Variants in NMU observed in about 807,000 individuals in gnomAD.
The protein encoded by NMU is neuromedin-U.
NMU carries 29 observed loss-of-function variants against 35.4 expected under a neutral mutation model. That is an observed-to-expected ratio of 0.82 (90% CI 0.61 to 1.12). The LOEUF (loss-of-function observed/expected upper bound fraction) is 1.12. Among genes scored for constraint, NMU ranks in the 50% most tolerant of loss-of-function variants. The pLI is 0.00. For synonymous variants in NMU, 78 were observed against 81.3 expected, an observed-to-expected ratio of 0.96 and a Z score of 0.22; for missense variants, 199 against 206.2, an observed-to-expected ratio of 0.97 and a Z score of 0.21.
intron 6 of NMU, 90 bp downstream of exon 6, chr4:55,607,208 A>C: frequency 1.1e-6 from 1 of 876,630 alleles, no homozygotes. Flanking sequence ...AAAAAATTTG[A>C]ATTCTGATCT....
intron 1 of NMU, among the ~76,000 whole-genome samples, chr4:55,631,996 C>A (rs1486217928): frequency 6.6e-6 from 1 of 152,152 alleles, no homozygotes; most frequent in Non-Finnish European, 1.5e-5. Context: ...TAAAAAGAAA[C>A]AAAGTAATGT....
intron 1 of NMU, among the ~76,000 whole-genome samples, chr4:55,634,237 G>C (rs1715778279): frequency 6.6e-6 from 1 of 152,136 alleles, no homozygotes; most frequent in African/African-American, 2.4e-5. Context: ...GACTGGGGCA[G>C]ATCACATGGC....
At chr4:55,599,037 GTTTAA>G (rs1479259443) in intron 9 of NMU, 100 bp downstream of exon 9, 1 of 743,470 alleles carries the variant, frequency 1.3e-6, no homozygotes, top group Non-Finnish European at 2.3e-6. Flanking sequence ...ATTTAACATA[GTTTAA>G]TTTGTGACTA....
intron 2 of NMU, among the ~76,000 whole-genome samples, chr4:55,628,306 CTTT>C: frequency 6.6e-6 from 1 of 152,144 alleles, no homozygotes; most frequent in South Asian, 2.1e-4. Context: ...TATTTTAAAA[CTTT>C]TTTTATATCT....
chr4:55,603,361 A>C (rs558145457), intron 7 of NMU, among the ~76,000 whole-genome samples: 1 of 152,124 alleles, frequency 6.6e-6, no homozygotes, highest in Non-Finnish European at 1.5e-5. Flanking sequence ...TAACATAATA[A>C]AAGTATCCAA....
intron 8 of NMU, among the ~76,000 whole-genome samples, chr4:55,599,500 A>G (rs1043817531): frequency 2.6e-5 from 4 of 152,132 alleles, no homozygotes. Flanking sequence ...TTTTAATTTG[A>G]TATGAACCAA....
intron 3 of NMU, among the ~76,000 whole-genome samples, chr4:55,610,335 C>T (rs1328599294): frequency 3.3e-5 from 5 of 151,904 alleles, no homozygotes; most frequent in Non-Finnish European, 7.4e-5. Flanking sequence ...TGTTAGCACA[C>T]GCCTGTAATT....
At chr4:55,607,097 G>A (rs950369883) in intron 6 of NMU, among the ~76,000 whole-genome samples, 11 of 152,104 alleles carry the variant, frequency 7.2e-5, no homozygotes, top group South Asian at 6.2e-4. Flanking sequence ...ATGAATGAAC[G>A]AATCAATTTA....
intron 8 of NMU, among the ~76,000 whole-genome samples, chr4:55,599,703 C>T (rs546432729): frequency 2.0e-5 from 3 of 152,264 alleles, no homozygotes; most frequent in Admixed American, 1.3e-4. Context: ...TCAACCGATT[C>T]CCATTGATGC....
At chr4:55,624,708 C>T (rs1303418526) in intron 2 of NMU, among the ~76,000 whole-genome samples, 1 of 650 alleles carries the variant, frequency 1.5e-3, no homozygotes, top group African/African-American at 3.7e-3. Context: ...GCTATAAAGA[C>T]ACATGCACAC....
chr4:55,600,158 C>A (rs974461766), intron 8 of NMU, among the ~76,000 whole-genome samples: 1 of 152,070 alleles, frequency 6.6e-6, no homozygotes, highest in African/African-American at 2.4e-5. Context: ...TGAAAGTATT[C>A]GTAACTCTTC....
intron 8 of NMU, among the ~76,000 whole-genome samples, chr4:55,599,615 C>G (rs1733345067): frequency 6.6e-6 from 1 of 152,110 alleles, no homozygotes. Context: ...GAATTATTTT[C>G]CAAAAGGCAA....
intron 3 of NMU, among the ~76,000 whole-genome samples, chr4:55,614,711 T>C (rs1243842148): frequency 8.5e-5 from 13 of 152,254 alleles, no homozygotes; most frequent in African/African-American, 2.9e-4. Flanking sequence ...CATTAGTTTA[T>C]CTTGATGAAG....
rs983659961 is a variant in NMU at position 55,616,048 on chromosome 4, C to A, written c.219+290G>T. Among the ~76,000 whole-genome samples, 15 of 152,298 alleles carry A rather than the reference C, an allele frequency of 9.8e-5. No individual in the cohort carries two copies. In the South Asian group the frequency reaches 2.3e-3, roughly 23 times the overall value. On this transcript the variant is annotated intron_variant, in intron 3 of 9. Transcript: ENST00000264218. ...ACAGGCATGAGCCACTGCACCCTGA[C>A]AGATACAGTATTTCTAACTTAACAC...
chr4:55,627,863 A>G (rs1304561082), intron 2 of NMU, among the ~76,000 whole-genome samples: 1 of 152,240 alleles, frequency 6.6e-6, no homozygotes, highest in African/African-American at 2.4e-5. Context: ...ATTTAAGTTC[A>G]CATTTTATTT....
chr4:55,609,127 T>C lies in NMU; in HGVS notation c.272A>G (p.Lys91Arg), dbSNP rs751940024. 6.2e-7 allele frequency: 1 copy of C among 1,613,212 alleles called. No individual in the cohort carries two copies. Among genetic ancestry groups the C allele is most frequent in the Non-Finnish European group, 8.5e-7 (1 of 1,179,198 alleles). ...LCFMIMGMLP[K>R]PQEQDEKDNT... Reference sequence around the variant, plus strand: ...ACACTATTTCAAGCTTACCTGAGGCTTTGGTAGCATTCCCATAATCATAAA... The same window carrying C: ...ACACTATTTCAAGCTTACCTGAGGCCTTGGTAGCATTCCCATAATCATAAA... Residue 91 changes from lysine (K) to arginine (R), a missense_variant, in exon 4 of 10, where the codon AAG (lysine) becomes AGG (arginine). By Grantham distance (26) the Lys-to-Arg change is conservative. Coordinates refer to ENST00000264218, the MANE Select transcript of NMU (RefSeq NM_006681.4).
At chr4:55,598,093 T>G (rs1195531173) in intron 9 of NMU, among the ~76,000 whole-genome samples, 38 of 135,980 alleles carry the variant, frequency 2.8e-4, no homozygotes, top group African/African-American at 1.1e-3. Flanking sequence ...GTTGTGGTTT[T>G]TTTTTTTTTT....
chr4:55,616,881 T>A (rs1397872462), intron 2 of NMU, among the ~76,000 whole-genome samples: 1 of 152,158 alleles, frequency 6.6e-6, no homozygotes, highest in African/African-American at 2.4e-5. Flanking sequence ...GAAACCAGTA[T>A]TGGAAGAGAG....
At chr4:55,608,735 T>C (rs1442777262) in intron 4 of NMU, among the ~76,000 whole-genome samples, 1 of 151,680 alleles carries the variant, frequency 6.6e-6, no homozygotes, top group Non-Finnish European at 1.5e-5. Context: ...AATGCCCTAC[T>C]CTCCCACAAA....
Sources: allele counts gnomAD v4.1 joint callset (sites outside exome capture counted in the v4.1 genomes callset), GRCh38; gene constraint gnomAD v4.1.1; transcripts MANE v1.5; gene names NCBI Gene and HGNC (gene_info 2026-07-23, HGNC 2026-07-21).